The following DSCAM variants were observed in gnomAD, a reference collection of about 807,000 sequenced individuals.
The protein encoded by DSCAM is DS cell adhesion molecule.
A neutral mutation model predicts 217.7 loss-of-function variants in DSCAM; 47 were observed. The observed-to-expected ratio is 0.22, with a 90% CI of 0.17 to 0.28. DSCAM has a LOEUF of 0.28. DSCAM is among the 10% of genes least tolerant of loss of function. DSCAM has a pLI of 1.00. For synonymous variants in DSCAM, 1,056 were observed against 1,015.3 expected (o/e 1.04, Z -0.76); for missense variants, 2,080 against 2,618.3 (o/e 0.79, Z 4.49).
chr21:40,689,320 T>G (rs1223731229), intron 3 of DSCAM, among the ~76,000 whole-genome samples: 1 of 152,220 alleles, frequency 6.6e-6, no homozygotes, highest in African/African-American at 2.4e-5. Flanking sequence ...GCTCATCTGT[T>G]AGAAGCAGGT....
At chr21:40,404,741 G>A (rs945311663) in intron 3 of DSCAM, among the ~76,000 whole-genome samples, 1 of 152,188 alleles carries the variant, frequency 6.6e-6, no homozygotes, top group African/African-American at 2.4e-5. Flanking sequence ...AGGAAGGCGT[G>A]GTCCCTCCTT....
intron 26 of DSCAM, 87 bp from the exon 27 acceptor site, chr21:40,075,300 T>C (rs1468587488): frequency 2.1e-6 from 3 of 1,428,802 alleles, no homozygotes; most frequent in Non-Finnish European, 1.9e-6. Flanking sequence ...AAAATCGCGC[T>C]GTGTGATCCA....
At chr21:40,324,589 G>C (rs2074298045) in intron 8 of DSCAM, among the ~76,000 whole-genome samples, 1 of 152,070 alleles carries the variant, frequency 6.6e-6, no homozygotes, top group African/African-American at 2.4e-5. Context: ...ATATTATGTT[G>C]AAATAGTTTC....
intron 9 of DSCAM, among the ~76,000 whole-genome samples, chr21:40,298,853 T>C (rs2073984121): frequency 6.6e-6 from 1 of 152,132 alleles, no homozygotes; most frequent in Non-Finnish European, 1.5e-5. Context: ...ACTCCTCCCC[T>C]CAATTTGGTT....
chr21:40,304,760 A>C (rs1218582040), intron 9 of DSCAM, among the ~76,000 whole-genome samples: 1 of 152,206 alleles, frequency 6.6e-6, no homozygotes, highest in African/African-American at 2.4e-5. Context: ...CTTAGGAAAT[A>C]GGGAAGCTGA....
intron 11 of DSCAM, among the ~76,000 whole-genome samples, chr21:40,225,521 A>C (rs1462045824): frequency 6.6e-6 from 1 of 152,152 alleles, no homozygotes; most frequent in Non-Finnish European, 1.5e-5. Flanking sequence ...GATATGAAAG[A>C]AGCCATGACA....
intron 10 of DSCAM, 34 bp from the exon 11 acceptor site, chr21:40,276,304 A>C: frequency 6.4e-7 from 1 of 1,554,964 alleles, no homozygotes; most frequent in Non-Finnish European, 8.7e-7. Context: ...GCAATGATGC[A>C]AACGAGAGTA....
chr21:40,639,888 C>T (rs556658008), intron 3 of DSCAM, among the ~76,000 whole-genome samples: 2 of 152,292 alleles, frequency 1.3e-5, no homozygotes, highest in East Asian at 1.9e-4. Flanking sequence ...TTTTTGGCAT[C>T]AGTTTTTCTT....
At chr21:40,674,291 A>G (rs2090311251) in intron 3 of DSCAM, among the ~76,000 whole-genome samples, 1 of 152,226 alleles carries the variant, frequency 6.6e-6, no homozygotes, top group Admixed American at 6.5e-5. Context: ...CTCATAACCA[A>G]CAGAAAAATG....
At chr21:40,079,041 C>T (rs1024561645) in intron 25 of DSCAM, 64 bp from the exon 26 acceptor site, 40 of 1,558,870 alleles carry the variant, frequency 2.6e-5, no homozygotes, top group African/African-American at 4.1e-5. Context: ...AGCATCTTCA[C>T]GCATTTCCCT....
intron 1 of DSCAM, among the ~76,000 whole-genome samples, chr21:40,764,268 T>A (rs1410668876): frequency 6.8e-6 from 1 of 146,428 alleles, no homozygotes; most frequent in East Asian, 2.0e-4. Flanking sequence ...AACAACTCCA[T>A]CAAAAAGTGG....
intron 3 of DSCAM, among the ~76,000 whole-genome samples, chr21:40,408,028 G>A (rs909633846): frequency 4.6e-5 from 7 of 152,114 alleles, no homozygotes; most frequent in Admixed American, 1.3e-4. Context: ...GGTTTACACA[G>A]CACTACAGAA....
chr21:40,280,259 G>A (rs1463512978), intron 10 of DSCAM, among the ~76,000 whole-genome samples: 1 of 138,464 alleles, frequency 7.2e-6, no homozygotes, highest in East Asian at 2.2e-4. Flanking sequence ...ATAGCTCGCT[G>A]TGGCCTCGAA....
At chr21:40,834,548 G>A (rs975591025) in intron 1 of DSCAM, among the ~76,000 whole-genome samples, 1 of 151,654 alleles carries the variant, frequency 6.6e-6, no homozygotes, top group Non-Finnish European at 1.5e-5. Flanking sequence ...GCCTATGCCT[G>A]TGCACTTCAG....
intron 20 of DSCAM, among the ~76,000 whole-genome samples, chr21:40,105,468 A>G (rs986742842): frequency 2.6e-5 from 4 of 152,152 alleles, no homozygotes; most frequent in African/African-American, 9.7e-5. Flanking sequence ...ACAGTGAGTG[A>G]GTTCTCATGA....
At chr21:40,044,383 C>T (rs1403139783) in intron 30 of DSCAM, 108 bp from the exon 31 acceptor site, 2 of 1,162,700 alleles carry the variant, frequency 1.7e-6, no homozygotes, top group Non-Finnish European at 2.4e-6. Flanking sequence ...CTCGCCCACG[C>T]CCTCCAGGAA....
At chr21:40,018,040 G>A (rs62235574) in intron 32 of DSCAM, among the ~76,000 whole-genome samples, 24,284 of 112,062 alleles carry the variant, frequency 0.22, 1,995 homozygotes, top group Middle Eastern at 0.3. Context: ...AAGAATTTGA[G>A]TTTTTAAAAC....
intron 14 of DSCAM, among the ~76,000 whole-genome samples, chr21:40,183,437 C>T (rs552275937): frequency 4.1e-4 from 62 of 152,308 alleles, no homozygotes; most frequent in East Asian, 2.3e-3. Flanking sequence ...GCTCAGATGA[C>T]GCCTCTGGTG....
intron 3 of DSCAM, among the ~76,000 whole-genome samples, chr21:40,608,420 C>A (rs1345776898): frequency 6.6e-6 from 1 of 152,116 alleles, no homozygotes; most frequent in Non-Finnish European, 1.5e-5. Context: ...CATTGTATAC[C>A]AGGTAACATT....
Sources: allele counts gnomAD v4.1 joint callset (sites outside exome capture counted in the v4.1 genomes callset), GRCh38; gene constraint gnomAD v4.1.1; transcripts MANE v1.5; gene names NCBI Gene and HGNC (gene_info 2026-07-23, HGNC 2026-07-21).